RABGAP1L: variants seen among roughly 807,000 people sequenced by gnomAD.
RABGAP1L encodes the protein rab GTPase-activating protein 1-like.
RABGAP1L carries 63 observed loss-of-function variants against 137.7 expected under a neutral mutation model. The observed-to-expected ratio is 0.46, with a 90% CI of 0.37 to 0.56. The LOEUF (loss-of-function observed/expected upper bound fraction) is 0.56, where lower values mean the gene tolerates loss of function less well. Ranked by LOEUF, RABGAP1L falls within the 20% of genes least tolerant of loss-of-function variation. The probability of loss-of-function intolerance (pLI) is 0.00; values close to 1 mark genes in which losing one functional copy is unlikely to be tolerated. For missense variants in RABGAP1L, 1,095 were observed against 1,244.0 expected, an observed-to-expected ratio of 0.88 and a Z score of 1.80; for synonymous variants, 431 against 433.7, an observed-to-expected ratio of 0.99 and a Z score of 0.08.
chr1:174,299,028 T>C (rs1170828039), intron 10 of RABGAP1L, among the ~76,000 whole-genome samples: 1 of 152,232 alleles, frequency 6.6e-6, no homozygotes, highest in African/African-American at 2.4e-5. Flanking sequence ...GAAACGTGAT[T>C]TCTCTCTGTC....
chr1:174,410,848 G>A (rs1649841241), intron 13 of RABGAP1L, among the ~76,000 whole-genome samples: 1 of 152,084 alleles, frequency 6.6e-6, no homozygotes, highest in Non-Finnish European at 1.5e-5. Flanking sequence ...CCACTTTAAT[G>A]AAATTGATTC....
intron 4 of RABGAP1L, among the ~76,000 whole-genome samples, chr1:174,239,456 T>G (rs578175881): frequency 6.6e-6 from 1 of 152,332 alleles, no homozygotes; most frequent in Admixed American, 6.5e-5. Context: ...ACTCCCTAAG[T>G]AAATCTTTCC....
intron 13 of RABGAP1L, among the ~76,000 whole-genome samples, chr1:174,530,898 C>G (rs1664344232): frequency 6.7e-6 from 1 of 149,204 alleles, no homozygotes; most frequent in African/African-American, 2.5e-5. Context: ...TTTTTTTTAA[C>G]CAGAAAAAAA....
At chr1:174,891,624 C>T (rs1656156082) in intron 19 of RABGAP1L, among the ~76,000 whole-genome samples, 1 of 152,146 alleles carries the variant, frequency 6.6e-6, no homozygotes, top group South Asian at 2.1e-4. Flanking sequence ...ACCTCACCCT[C>T]CCAAGTAGCT....
chr1:174,547,028 T>TGA (rs1666068430), intron 13 of RABGAP1L, among the ~76,000 whole-genome samples: 1 of 12,634 alleles, frequency 7.9e-5, no homozygotes, highest in African/African-American at 7.9e-4. Context: ...AGACTCTGTC[T>TGA]CAAAAAAAAA....
At chr1:174,178,652 A>C (rs556149149) in intron 1 of RABGAP1L, among the ~76,000 whole-genome samples, 1 of 152,354 alleles carries the variant, frequency 6.6e-6, no homozygotes, top group Non-Finnish European at 1.5e-5. Context: ...CTATGCAGCC[A>C]TAAAAAAGAA....
At position 174,800,203 on chromosome 1, in the gene RABGAP1L, A is replaced by G. The variant is rs1280330097; in HGVS notation, c.2212-11629A>G. 4 of 1,398,938 alleles carry G rather than the reference A, an allele frequency of 2.9e-6. No homozygotes were observed. The African/African-American group carries it at 5.9e-5, about 21-fold the overall frequency. The allele number at this position is 1,398,938 out of a possible 1,614,324, so 86.7% of individuals were successfully genotyped here. A position where few individuals can be genotyped will look rare whatever the true frequency, so the allele number is the denominator to read the frequency against. ...GTTTTTCTTGTGGAGACATTAGCTG[A>G]CAATTCCCACCACAGACTGGCTTGT... On this transcript the variant is annotated intron_variant, in intron 18 of 25. Transcript: ENST00000681986.
intron 15 of RABGAP1L, among the ~76,000 whole-genome samples, chr1:174,694,654 A>G (rs1679116768): frequency 6.6e-6 from 1 of 151,926 alleles, no homozygotes; most frequent in Admixed American, 6.6e-5. Flanking sequence ...ATGCCGCAAT[A>G]AACATACGTG....
At chr1:174,341,811 T>TTACA (rs1681999035) in intron 11 of RABGAP1L, among the ~76,000 whole-genome samples, 1 of 152,174 alleles carries the variant, frequency 6.6e-6, no homozygotes, top group Admixed American at 6.5e-5. Flanking sequence ...GAGAGAAATC[T>TTACA]TACATATCTA....
chr1:174,503,670 A>T (rs1430341050), intron 13 of RABGAP1L, among the ~76,000 whole-genome samples: 8 of 151,184 alleles, frequency 5.3e-5, no homozygotes. Flanking sequence ...AAAAAAAAAA[A>T]AAAAAGAAAT....
At chr1:174,513,428 TGACACCC>T (rs1292198502) in intron 13 of RABGAP1L, among the ~76,000 whole-genome samples, 1 of 151,882 alleles carries the variant, frequency 6.6e-6, no homozygotes, top group East Asian at 1.9e-4. Context: ...GGCAACATAG[TGACACCC>T]TGTCTCTACA....
At chr1:174,898,337 C>T (rs1410029158) in intron 19 of RABGAP1L, among the ~76,000 whole-genome samples, 1 of 152,210 alleles carries the variant, frequency 6.6e-6, no homozygotes, top group East Asian at 1.9e-4. Flanking sequence ...GGCTTTCTGG[C>T]TCTAGGGCTG....
At chr1:174,732,526 C>T (rs1215528416) in intron 17 of RABGAP1L, among the ~76,000 whole-genome samples, 1 of 151,750 alleles carries the variant, frequency 6.6e-6, no homozygotes, top group African/African-American at 2.4e-5. Flanking sequence ...AAAATTAGTA[C>T]GCATGAGAAC....
rs139453177 is a variant in RABGAP1L, at chr1:174,214,268, A to G, written c.-33-4857A>G. Among the ~76,000 whole-genome samples the G allele has an allele frequency of 8.9e-4, 135 of 152,236 alleles. 2 individuals carry two copies. The East Asian group carries it at 0.023, about 26-fold the overall frequency. The stretch of plus-strand genomic sequence containing the variant: ...TAGCTACAAATAAGATAAAATACCT[A>G]GGAATAAACCAAAGAAGTGAAAGAT... On this transcript the variant is annotated intron_variant, in intron 1 of 25. Transcript: ENST00000681986.
At chr1:174,915,548 G>T (rs1427384668) in intron 19 of RABGAP1L, among the ~76,000 whole-genome samples, 3 of 151,954 alleles carry the variant, frequency 2.0e-5, no homozygotes, top group Non-Finnish European at 4.4e-5. Context: ...CCTCTGCCTC[G>T]CAGGTTCAAG....
intron 11 of RABGAP1L, among the ~76,000 whole-genome samples, chr1:174,353,370 A>C (rs967288675): frequency 1.2e-4 from 18 of 152,128 alleles, no homozygotes; most frequent in African/African-American, 4.3e-4. Context: ...AATTACAGGA[A>C]TGGTGACATA....
Position 174,806,784 on chromosome 1 carries a change from C to CTTAT in RABGAP1L, c.2212-5033_2212-5030dup, listed in dbSNP as rs373656266. On this transcript the variant is annotated intron_variant, in intron 18 of 25. Coordinates refer to ENST00000681986, the MANE Select transcript of RABGAP1L (RefSeq NM_001366446.1). ...ACATTAATGCTTGACATTCATAAAG[C>CTTAT]TTATTTATTTATTTATTTTGAGACA... 5.3e-3 allele frequency among the ~76,000 whole-genome samples: 806 copies of CTTAT among 152,070 alleles called. 10 individuals carry two copies. The highest frequency in any genetic ancestry group is 0.018 in the African/African-American group (760 of 41,466).
intron 19 of RABGAP1L, among the ~76,000 whole-genome samples, chr1:174,840,529 G>A (rs1462543178): frequency 6.6e-6 from 1 of 151,386 alleles, no homozygotes; most frequent in Admixed American, 6.6e-5. Flanking sequence ...GAAAGCGGGG[G>A]TGCTGGGCAC....
At chr1:174,638,398 G>A (rs1391923731) in intron 14 of RABGAP1L, among the ~76,000 whole-genome samples, 2 of 152,142 alleles carry the variant, frequency 1.3e-5, no homozygotes, top group Non-Finnish European at 2.9e-5. Context: ...CAGCATTTAA[G>A]AGGATGTGGA....
Sources: gnomAD v4.1 joint callset for allele counts (sites outside exome capture counted in the v4.1 genomes callset) on GRCh38, gnomAD v4.1.1 for gene constraint, MANE v1.5 for transcripts, NCBI Gene and HGNC (gene_info 2026-07-23, HGNC 2026-07-21) for gene names.